The following GPC6 variants were observed in gnomAD, a reference collection of about 807,000 sequenced individuals.
The protein encoded by GPC6 is glypican-6.
GPC6 carries 14 observed loss-of-function variants against 55.2 expected under a neutral mutation model. That is an observed-to-expected ratio of 0.25 (90% CI 0.17 to 0.40). The LOEUF (loss-of-function observed/expected upper bound fraction) is 0.40. Ranked by LOEUF, GPC6 falls within the 10% of genes least tolerant of loss-of-function variation. The pLI is 1.00. For missense variants in GPC6, 641 were observed against 708.5 expected (o/e 0.90, Z 1.08); for synonymous variants, 278 against 259.6 (o/e 1.07, Z -0.68).
At chr13:94,017,486 G>T (rs1882513232) in intron 3 of GPC6, among the ~76,000 whole-genome samples, 1 of 152,082 alleles carries the variant, frequency 6.6e-6, no homozygotes, top group Non-Finnish European at 1.5e-5. Context: ...ATCAGATCTT[G>T]TGAGACTTAT....
chr13:93,391,317 G>A (rs1394544128), intron 1 of GPC6, among the ~76,000 whole-genome samples: 1 of 152,090 alleles, frequency 6.6e-6, no homozygotes, highest in Non-Finnish European at 1.5e-5. Flanking sequence ...ACGTAGTAGA[G>A]AGATTTTAAA....
chr13:93,621,649 G>A (rs1247227965), intron 2 of GPC6, among the ~76,000 whole-genome samples: 1 of 152,060 alleles, frequency 6.6e-6, no homozygotes, highest in African/African-American at 2.4e-5. Flanking sequence ...ATAGAGTTAG[G>A]GAGAAGTAAA....
chr13:93,566,424 G>A (rs1876122640), intron 2 of GPC6, among the ~76,000 whole-genome samples: 1 of 146,548 alleles, frequency 6.8e-6, no homozygotes, highest in South Asian at 2.3e-4. Context: ...CTTTTAGAAA[G>A]TAATTAGTAA....
At chr13:93,251,937 A>C (rs1297125269) in intron 1 of GPC6, among the ~76,000 whole-genome samples, 1 of 152,192 alleles carries the variant, frequency 6.6e-6, no homozygotes, top group Non-Finnish European at 1.5e-5. Flanking sequence ...ATGGCACTGA[A>C]ACATCTCTCT....
chr13:93,515,605 T>G (rs942112895), intron 1 of GPC6, among the ~76,000 whole-genome samples: 1 of 152,140 alleles, frequency 6.6e-6, no homozygotes, highest in Non-Finnish European at 1.5e-5. Context: ...CATAGGTTTG[T>G]CCTGAAAATG....
At chr13:94,056,525 G>A (rs1884139590) in intron 4 of GPC6, among the ~76,000 whole-genome samples, 1 of 152,138 alleles carries the variant, frequency 6.6e-6, no homozygotes, top group South Asian at 2.1e-4. Flanking sequence ...GCAATAGTTG[G>A]TCCCTGCTGA....
rs145168617 is a variant in GPC6, at chr13:94,089,501, C to T, written c.877+61607C>T. ...GTGGCTTCTGGCTTGAAAGCAGGGGCTCTTCTGAGATACCTGGACAAAGCC... is the reference window on the plus strand; with the variant it reads ...GTGGCTTCTGGCTTGAAAGCAGGGGTTCTTCTGAGATACCTGGACAAAGCC... On this transcript the variant is annotated intron_variant, in intron 4 of 8. Transcript: ENST00000377047. 3.9e-3 allele frequency among the ~76,000 whole-genome samples: 592 copies of T among 152,252 alleles called. 3 individuals carry two copies. The highest frequency in any genetic ancestry group is 0.013 in the African/African-American group (555 of 41,550).
At chr13:93,305,867 G>T (rs1459385561) in intron 1 of GPC6, among the ~76,000 whole-genome samples, 1 of 152,060 alleles carries the variant, frequency 6.6e-6, no homozygotes, top group Non-Finnish European at 1.5e-5. Context: ...TTTTCTACAT[G>T]TGCTTATCAA....
At chr13:93,938,296 G>T (rs1878544620) in intron 3 of GPC6, among the ~76,000 whole-genome samples, 1 of 152,100 alleles carries the variant, frequency 6.6e-6, no homozygotes, top group Admixed American at 6.6e-5. Flanking sequence ...ATGTACTTAA[G>T]CATTAAAGCC....
intron 3 of GPC6, among the ~76,000 whole-genome samples, chr13:93,970,630 A>G (rs569955107): frequency 1.3e-5 from 2 of 152,332 alleles, no homozygotes; most frequent in South Asian, 4.1e-4. Flanking sequence ...GTGTTAGACC[A>G]TGGAACCTCC....
intron 1 of GPC6, among the ~76,000 whole-genome samples, chr13:93,269,151 A>G (rs932381123): frequency 6.6e-6 from 1 of 152,220 alleles, no homozygotes; most frequent in African/African-American, 2.4e-5. Flanking sequence ...TAGTTGACCT[A>G]GAGAGAAGAT....
At chr13:94,319,828 C>T (rs566384286) in intron 6 of GPC6, among the ~76,000 whole-genome samples, 455 of 152,198 alleles carry the variant, frequency 3.0e-3, no homozygotes, top group Non-Finnish European at 4.7e-3. Flanking sequence ...TATATAATTT[C>T]GTCATAATGT....
chr13:94,331,627 G>C lies in GPC6; in HGVS notation c.1152+25504G>C, dbSNP rs143268955. ...GCATTTGTCTGTCAAGTTGTTGGAA[G>C]TATTGCTTGAGTGTCCACCTAAAAT... On this transcript the variant is annotated intron_variant, in intron 6 of 8. Coordinates refer to ENST00000377047, the MANE Select transcript of GPC6 (RefSeq NM_005708.5). Among the ~76,000 whole-genome samples the C allele has an allele frequency of 2.7e-3, 410 of 152,316 alleles. 2 individuals are homozygous for C. The highest frequency in any genetic ancestry group is 8.8e-3 in the African/African-American group (365 of 41,574).
At chr13:93,433,201 G>A (rs1022928448) in intron 1 of GPC6, among the ~76,000 whole-genome samples, 5 of 152,124 alleles carry the variant, frequency 3.3e-5, no homozygotes, top group Non-Finnish European at 1.5e-5. Flanking sequence ...CCTGACAAAC[G>A]GGATGATGCT....
chr13:94,023,588 T>C (rs890230480), intron 3 of GPC6, among the ~76,000 whole-genome samples: 6 of 152,146 alleles, frequency 3.9e-5, no homozygotes, highest in African/African-American at 1.4e-4. Context: ...CGAAACATAC[T>C]CTTACCACCA....
chr13:93,787,133 A>G (rs1885839159), intron 2 of GPC6, among the ~76,000 whole-genome samples: 1 of 152,232 alleles, frequency 6.6e-6, no homozygotes, highest in Admixed American at 6.5e-5. Flanking sequence ...AAATAGTTAT[A>G]AACATGAACT....
At chr13:93,417,810 C>A (rs1876759463) in intron 1 of GPC6, among the ~76,000 whole-genome samples, 1 of 151,698 alleles carries the variant, frequency 6.6e-6, no homozygotes, top group South Asian at 2.1e-4. Flanking sequence ...GGATAAAAAT[C>A]TTCTATATTA....
chr13:93,709,928 A>G (rs1269029380), intron 2 of GPC6, among the ~76,000 whole-genome samples: 6 of 151,818 alleles, frequency 4.0e-5, no homozygotes, highest in African/African-American at 1.2e-4. Context: ...ATAACAGTTC[A>G]GGACTAGGAA....
At chr13:93,794,170 G>A (rs974457500) in intron 2 of GPC6, among the ~76,000 whole-genome samples, 11 of 152,180 alleles carry the variant, frequency 7.2e-5, no homozygotes, top group Non-Finnish European at 2.9e-5. Context: ...TGGATTTTAT[G>A]ATAGTACATG....
Sources: gnomAD v4.1 joint callset for allele counts (sites outside exome capture counted in the v4.1 genomes callset) on GRCh38, gnomAD v4.1.1 for gene constraint, MANE v1.5 for transcripts, NCBI Gene and HGNC (gene_info 2026-07-23, HGNC 2026-07-21) for gene names.